ERI1: variants seen among roughly 807,000 people sequenced by gnomAD.
The protein encoded by ERI1 is exoribonuclease 1.
Under a neutral mutation model 39.7 loss-of-function variants are expected in ERI1, and 39 were observed. That is an observed-to-expected ratio of 0.98 (90% CI 0.76 to 1.28). The LOEUF (loss-of-function observed/expected upper bound fraction) is 1.28, where lower values mean the gene tolerates loss of function less well. Ranked by LOEUF, ERI1 falls within the 50% of genes most tolerant of loss-of-function variation. ERI1 has a pLI of 0.00. For missense variants in ERI1, 581 were observed against 416.9 expected (o/e 1.39, Z -3.43); for synonymous variants, 204 against 149.6 (o/e 1.36, Z -2.65).
intron 3 of ERI1, among the ~76,000 whole-genome samples, chr8:9,092,972 G>T (rs769654961): frequency 4.8e-4 from 73 of 152,272 alleles, no homozygotes; most frequent in South Asian, 1.0e-3. Context: ...TCCTTGGCTC[G>T]TGGGCCCATC....
chr8:9,070,195 C>T (rs1450675277), intron 3 of ERI1, among the ~76,000 whole-genome samples: 2 of 151,470 alleles, frequency 1.3e-5, no homozygotes, highest in African/African-American at 4.9e-5. Flanking sequence ...GCTGAGATTG[C>T]ACCACTGCAC....
chr8:9,018,759 C>G (rs1817572154), intron 5 of ERI1, among the ~76,000 whole-genome samples: 2 of 151,558 alleles, frequency 1.3e-5, no homozygotes, highest in South Asian at 2.1e-4. Context: ...ATCTAATTCA[C>G]CTGCCATTAA....
At chr8:9,021,540 C>G (rs1222719774) in intron 6 of ERI1, among the ~76,000 whole-genome samples, 2 of 152,136 alleles carry the variant, frequency 1.3e-5, no homozygotes, top group African/African-American at 4.8e-5. Flanking sequence ...AGTATGCATG[C>G]AGAAAAGTAG....
Position 9,007,905 on chromosome 8 carries a change from GTGA to G in ERI1, c.109-62_109-60del. Reference sequence around the variant, plus strand: ...TTTGAAAGTTTGAATCTTTAAATCTGTGATGTTTGTACTAATTATAAACTACAT... The same window carrying G: ...TTTGAAAGTTTGAATCTTTAAATCTGTGTTTGTACTAATTATAAACTACAT... On this transcript the variant is annotated intron_variant, in intron 1 of 6. Transcript: ENST00000250263. 4.0e-6 allele frequency: 6 copies of G among 1,501,876 alleles called. No homozygotes were observed. In the South Asian group the frequency reaches 7.9e-5, roughly 20 times the overall value. The allele number at this position is 1,501,876 out of a possible 1,614,324, so 93.0% of individuals were successfully genotyped here. A position where few individuals can be genotyped will look rare whatever the true frequency, so the allele number is the denominator to read the frequency against.
chr8:9,061,059 G>A (rs757315853), intron 3 of ERI1, among the ~76,000 whole-genome samples: 1 of 152,300 alleles, frequency 6.6e-6, no homozygotes, highest in East Asian at 1.9e-4. Context: ...TTGAGTTAAG[G>A]CAACTAATTC....
intron 3 of ERI1, among the ~76,000 whole-genome samples, chr8:9,067,577 C>T (rs564726834): frequency 3.3e-5 from 5 of 151,812 alleles, no homozygotes; most frequent in African/African-American, 1.2e-4. Context: ...ATCGCTTGCA[C>T]CCAGGACCTC....
At chr8:9,065,509 C>T (rs556107766) in intron 3 of ERI1, among the ~76,000 whole-genome samples, 165 of 151,944 alleles carry the variant, frequency 1.1e-3, no homozygotes, top group African/African-American at 3.5e-3. Context: ...TCTTGGCTAA[C>T]GTGGTGAAAC....
chr8:9,082,272 C>A (rs376179523), intron 3 of ERI1, among the ~76,000 whole-genome samples: 6 of 152,188 alleles, frequency 3.9e-5, no homozygotes, highest in African/African-American at 1.4e-4. Flanking sequence ...TTTACCAGAA[C>A]TTCTGGCAAG....
At chr8:9,069,491 T>A (rs1465970013) in intron 3 of ERI1, among the ~76,000 whole-genome samples, 2 of 152,206 alleles carry the variant, frequency 1.3e-5, no homozygotes, top group African/African-American at 2.4e-5. Context: ...TCACCCTCTC[T>A]TAGTTATGGG....
At position 9,030,285 on chromosome 8, in the gene ERI1, T is replaced by G. The variant is rs1437748134; in HGVS notation, c.*251T>G. The G allele has an allele frequency of 4.2e-6, 2 of 479,088 alleles. No homozygotes were observed. Among genetic ancestry groups the G allele is most frequent in the Non-Finnish European group, 7.4e-6 (2 of 269,742 alleles). 29.7% of individuals were successfully genotyped at this position (479,088 alleles called of 1,614,324 possible). On this transcript the variant is annotated 3_prime_UTR_variant, in exon 7 of 7. Coordinates refer to ENST00000250263, the MANE Select transcript of ERI1 (RefSeq NM_153332.4). ...AACAGTTCCTGCTTACAACTGAATTTTATAATTTAAGGTGTTCAAGATATA... is the reference window on the plus strand; with the variant it reads ...AACAGTTCCTGCTTACAACTGAATTGTATAATTTAAGGTGTTCAAGATATA...
downstream of ERI1, among the ~76,000 whole-genome samples, chr8:9,035,812 C>T (rs1443334104): frequency 1.3e-5 from 2 of 152,172 alleles, no homozygotes; most frequent in Non-Finnish European, 2.9e-5. Flanking sequence ...CAGTTGAAAA[C>T]CTTCTGGAAA....
At chr8:9,051,083 G>A (rs755393051) in intron 3 of ERI1, among the ~76,000 whole-genome samples, 1 of 151,842 alleles carries the variant, frequency 6.6e-6, no homozygotes, top group South Asian at 2.1e-4. Context: ...TTTAAAGTAG[G>A]TACGATAGAT....
In ERI1 at chr8:9,016,249, A is replaced by C; in HGVS notation, c.499-73A>C. On this transcript the variant is annotated intron_variant, in intron 3 of 6. Coordinates refer to ENST00000250263, the MANE Select transcript of ERI1 (RefSeq NM_153332.4). ...TATGAAATTGCAACCTGCTGTGATG[A>C]ATTCGTCGTGTATCATGTATCGTGT... The C allele has an allele frequency of 3.6e-6, 3 of 838,738 alleles. No individual in the cohort carries two copies. The South Asian group carries it at 6.4e-5, about 18-fold the overall frequency. 52.0% of individuals were successfully genotyped at this position (838,738 alleles called of 1,614,324 possible). A position where few individuals can be genotyped will look rare whatever the true frequency, so the allele number is the denominator to read the frequency against.
At chr8:9,048,005 C>G (rs10088170) in intron 3 of ERI1, among the ~76,000 whole-genome samples, 5,586 of 152,290 alleles carry the variant, frequency 0.037, 344 homozygotes, top group African/African-American at 0.13. Flanking sequence ...ACTCTCTTGT[C>G]CAAGGCCACA....
chr8:9,011,006 C>G (rs993837889), intron 2 of ERI1, among the ~76,000 whole-genome samples: 1 of 152,158 alleles, frequency 6.6e-6, no homozygotes. Context: ...AGCCAACAGA[C>G]ATTCACCTTT....
Position 9,031,609 on chromosome 8 carries a change from CTGA to C in ERI1, c.*1582_*1584del, listed in dbSNP as rs766865465. 13 of 152,302 alleles carry C rather than the reference CTGA, an allele frequency of 8.5e-5. No individual in the cohort carries two copies. The highest frequency in any genetic ancestry group is 3.4e-3 in the Middle Eastern group (1 of 294). The allele number at this position is 152,302 out of a possible 1,614,324, so 9.4% of individuals were successfully genotyped here. ...ATAGCTGAAACTGCAATTGGAAAAT[CTGA>C]TGATGACGAGGAAATATTACGTTTC... On this transcript the variant is annotated 3_prime_UTR_variant, in exon 7 of 7. Transcript: ENST00000250263.
chr8:9,026,287 A>G (rs568295150), intron 6 of ERI1, among the ~76,000 whole-genome samples: 10 of 152,280 alleles, frequency 6.6e-5, no homozygotes, highest in African/African-American at 1.7e-4. Context: ...TAAGTGCACA[A>G]CAGTTCAGTG....
At chr8:9,018,554 A>AG in intron 5 of ERI1, 148 bp downstream of exon 5, 3 of 532,824 alleles carry the variant, frequency 5.6e-6, no homozygotes, top group Non-Finnish European at 6.7e-6. Context: ...CTTTCACCTA[A>AG]GGATGAAAGA....
At chr8:9,004,045 TCA>T (rs1358678953) in intron 1 of ERI1, 5 of 1,284,700 alleles carry the variant, frequency 3.9e-6, no homozygotes, top group South Asian at 1.2e-5. Context: ...TAATTGCATC[TCA>T]CACAGTTTTT....
Sources: allele counts gnomAD v4.1 joint callset (sites outside exome capture counted in the v4.1 genomes callset), GRCh38; gene constraint gnomAD v4.1.1; transcripts MANE v1.5; gene names NCBI Gene and HGNC (gene_info 2026-07-23, HGNC 2026-07-21).